The following SORCS3 variants were observed in gnomAD, a reference collection of about 807,000 sequenced individuals.
SORCS3 encodes the protein sortilin related VPS10 domain containing receptor 3, also known as VPS10 domain-containing receptor SorCS3.
In SORCS3, 57 loss-of-function variants were observed where a neutral mutation model predicts 146.3. The ratio of observed to expected loss-of-function variants is 0.39; its 90% CI spans 0.31 to 0.49. The LOEUF is 0.49. SORCS3 is among the 20% of genes least tolerant of loss of function. The pLI, the probability that SORCS3 is intolerant of heterozygous loss-of-function variation, is 0.92. For missense variants in SORCS3, 1,341 were observed against 1,575.5 expected (o/e 0.85, Z 2.52); for synonymous variants, 653 against 618.5 (o/e 1.06, Z -0.83).
intron 16 of SORCS3, among the ~76,000 whole-genome samples, chr10:105,204,970 T>C (rs549268812): frequency 6.6e-6 from 1 of 152,326 alleles, no homozygotes; most frequent in South Asian, 2.1e-4. Context: ...CGTATAGCCT[T>C]GTCCCCTTCT....
intron 19 of SORCS3, among the ~76,000 whole-genome samples, chr10:105,221,844 A>C (rs1193875737): frequency 6.6e-6 from 1 of 152,138 alleles, no homozygotes; most frequent in African/African-American, 2.4e-5. Context: ...ATGTGCTCTG[A>C]CATAATAGGA....
At chr10:104,695,799 T>C (rs976134968) in intron 1 of SORCS3, among the ~76,000 whole-genome samples, 1 of 151,632 alleles carries the variant, frequency 6.6e-6, no homozygotes, top group Non-Finnish European at 1.5e-5. Flanking sequence ...CTTTTTAATA[T>C]TTGTGCATAA....
chr10:104,927,597 A>T (rs1306523903), intron 3 of SORCS3, among the ~76,000 whole-genome samples: 3 of 152,152 alleles, frequency 2.0e-5, no homozygotes, highest in South Asian at 4.1e-4. Flanking sequence ...GAAGACAGCA[A>T]GCTGAGCACG....
At chr10:104,653,998 G>T (rs773283091) in intron 1 of SORCS3, among the ~76,000 whole-genome samples, 1 of 151,426 alleles carries the variant, frequency 6.6e-6, no homozygotes, top group East Asian at 1.9e-4. Flanking sequence ...TACTCTATGC[G>T]CATGGGTTCA....
chr10:104,701,001 G>A (rs1324862031), intron 1 of SORCS3, among the ~76,000 whole-genome samples: 1 of 152,170 alleles, frequency 6.6e-6, no homozygotes, highest in Non-Finnish European at 1.5e-5. Flanking sequence ...AGAGGTTGAA[G>A]TTCTTCCCTT....
chr10:104,953,109 C>G (rs989635911), intron 3 of SORCS3, among the ~76,000 whole-genome samples: 1 of 152,162 alleles, frequency 6.6e-6, no homozygotes, highest in Non-Finnish European at 1.5e-5. Flanking sequence ...AAAGATTATT[C>G]AGAGGAGGAT....
intron 9 of SORCS3, among the ~76,000 whole-genome samples, 156 bp downstream of exon 9, chr10:105,147,952 C>A (rs1037305729): frequency 2.0e-5 from 3 of 151,864 alleles, no homozygotes; most frequent in Non-Finnish European, 4.4e-5. Context: ...TGCCTCAATT[C>A]TAGTAAAATA....
At chr10:104,717,554 G>A (rs2016494517) in intron 1 of SORCS3, among the ~76,000 whole-genome samples, 1 of 151,962 alleles carries the variant, frequency 6.6e-6, no homozygotes, top group Non-Finnish European at 1.5e-5. Flanking sequence ...TTCCCTTTCA[G>A]TTGCTACCTT....
chr10:105,043,239 C>G (rs2055349768), intron 5 of SORCS3, 111 bp downstream of exon 5: 2 of 919,506 alleles, frequency 2.2e-6, no homozygotes, highest in Non-Finnish European at 3.5e-6. Flanking sequence ...GTGTTCCAGT[C>G]CTTTGCTACA....
In SORCS3 at chr10:104,831,311, GT is replaced by G. The variant is rs532815170; in HGVS notation, c.628-11480del. 6.6e-5 allele frequency among the ~76,000 whole-genome samples: 10 copies of G among 152,268 alleles called. No individual in the cohort carries two copies. The East Asian group carries it at 1.9e-3, about 29-fold the overall frequency. On this transcript the variant is annotated intron_variant, in intron 1 of 26. Transcript: ENST00000369701. Reference sequence around the variant, plus strand: ...AAGCTAACCAACACTAACGTTCTTTGTATAAAAGAAAAGAAACAGAGAGAGA... The same window carrying G: ...AAGCTAACCAACACTAACGTTCTTTGATAAAAGAAAAGAAACAGAGAGAGA...
chr10:104,913,600 T>C (rs910108339), intron 2 of SORCS3, among the ~76,000 whole-genome samples: 2 of 152,288 alleles, frequency 1.3e-5, no homozygotes, highest in African/African-American at 4.8e-5. Flanking sequence ...GCATAATGTG[T>C]AAAACTTTGT....
intron 4 of SORCS3, among the ~76,000 whole-genome samples, chr10:105,024,683 A>G (rs1226841477): frequency 6.6e-6 from 1 of 152,206 alleles, no homozygotes; most frequent in African/African-American, 2.4e-5. Context: ...GCAAATAGTC[A>G]CTGGATTGGA....
intron 17 of SORCS3, among the ~76,000 whole-genome samples, chr10:105,212,584 A>C (rs2056640223): frequency 6.6e-6 from 1 of 152,234 alleles, no homozygotes; most frequent in Admixed American, 6.5e-5. Context: ...TAGTTATGCC[A>C]AAATCCCAAA....
intron 1 of SORCS3, among the ~76,000 whole-genome samples, chr10:104,720,159 A>G (rs1260448785): frequency 1.3e-5 from 2 of 149,398 alleles, no homozygotes; most frequent in Admixed American, 6.7e-5. Context: ...CCAGTGTGTC[A>G]TGTTCCCCTT....
chr10:104,856,847 T>G (rs1438070323), intron 2 of SORCS3, among the ~76,000 whole-genome samples: 1 of 144,344 alleles, frequency 6.9e-6, no homozygotes, highest in Admixed American at 7.2e-5. Context: ...ATATAAATAA[T>G]ATATATTTAT....
chr10:104,811,492 T>C (rs1455216397), intron 1 of SORCS3, among the ~76,000 whole-genome samples: 1 of 152,218 alleles, frequency 6.6e-6, no homozygotes, highest in African/African-American at 2.4e-5. Flanking sequence ...ATGGAAGCTA[T>C]AGAGCTTAAG....
chr10:104,741,133 A>ACT (rs2016836932), intron 1 of SORCS3, among the ~76,000 whole-genome samples: 6 of 114,558 alleles, frequency 5.2e-5, no homozygotes, highest in Non-Finnish European at 9.0e-5. Context: ...GGATAATTTA[A>ACT]ATTTTTTTTT....
intron 1 of SORCS3, among the ~76,000 whole-genome samples, chr10:104,701,391 T>C (rs1397723243): frequency 6.6e-6 from 1 of 152,230 alleles, no homozygotes; most frequent in Non-Finnish European, 1.5e-5. Flanking sequence ...ATTGCACTCT[T>C]AATTACAAAT....
At chr10:105,084,167 G>A (rs2055643584) in intron 5 of SORCS3, among the ~76,000 whole-genome samples, 1 of 152,110 alleles carries the variant, frequency 6.6e-6, no homozygotes, top group Admixed American at 6.5e-5. Flanking sequence ...AACACATAGT[G>A]TACTCTCAAT....
Sources: allele counts gnomAD v4.1 joint callset (sites outside exome capture counted in the v4.1 genomes callset), GRCh38; gene constraint gnomAD v4.1.1; transcripts MANE v1.5; gene names NCBI Gene and HGNC (gene_info 2026-07-23, HGNC 2026-07-21).